The following THSD4 variants were observed in gnomAD, a reference collection of about 807,000 sequenced individuals.
THSD4 encodes thrombospondin type 1 domain containing 4, also known as thrombospondin type-1 domain-containing protein 4.
In THSD4, 69 loss-of-function variants were observed where a neutral mutation model predicts 119.0. That is an observed-to-expected ratio of 0.58 (90% CI 0.48 to 0.71). THSD4 has a LOEUF of 0.71. Ranked by LOEUF, THSD4 falls within the 30% of genes least tolerant of loss-of-function variation. The pLI is 0.00. For synonymous variants in THSD4, 524 were observed against 540.4 expected, an observed-to-expected ratio of 0.97 and a Z score of 0.42; for missense variants, 1,393 against 1,391.1, an observed-to-expected ratio of 1.00 and a Z score of -0.02.
At chr15:71,610,473 C>T (rs942439994) in intron 7 of THSD4, among the ~76,000 whole-genome samples, 2 of 152,102 alleles carry the variant, frequency 1.3e-5, no homozygotes, top group African/African-American at 2.4e-5. Context: ...CAACAGAACT[C>T]CTGTGGCAAC....
At chr15:71,693,808 C>G (rs7171656) in intron 8 of THSD4, among the ~76,000 whole-genome samples, 26,421 of 152,024 alleles carry the variant, frequency 0.17, 2,494 homozygotes, top group African/African-American at 0.25. Flanking sequence ...CCTACTCTCT[C>G]GCCTGCCACC....
rs71154771 is a variant in THSD4 at position 71,442,656 on chromosome 15, G to GTATGTATGTA, written c.1152+30834_1152+30835insATGTATGTAT. 9.5e-4 allele frequency among the ~76,000 whole-genome samples: 29 copies of GTATGTATGTA among 30,618 alleles called. 1 individual carries two copies. The highest frequency in any genetic ancestry group is 4.1e-3 in the South Asian group (2 of 488). The allele number at this position is 30,618 out of a possible 152,430, so 20.1% of individuals were successfully genotyped here. On this transcript the variant is annotated intron_variant, in intron 7 of 17. Transcript: ENST00000261862. The stretch of plus-strand genomic sequence containing the variant: ...TATGTGTGTGTATATGTGTGTGTGT[G>GTATGTATGTA]TGTGTATATATATATATATATATAT...
chr15:71,714,385 C>T lies in THSD4; in HGVS notation c.1358-14164C>T, dbSNP rs4777442. ...TTGTTGAATGGCGGAAAATGCCTGG[C>T]AGGGTGGTGCAGGCATGGGGTGGAC... On this transcript the variant is annotated intron_variant, in intron 8 of 17. Transcript: ENST00000261862. Among the ~76,000 whole-genome samples the T allele has an allele frequency of 7.7e-3, 1,173 of 152,188 alleles. 25 individuals carry two copies. The highest frequency in any genetic ancestry group is 0.04 in the Admixed American group (614 of 15,284).
intron 8 of THSD4, among the ~76,000 whole-genome samples, chr15:71,722,271 T>C (rs1002451726): frequency 6.6e-5 from 10 of 152,220 alleles, no homozygotes; most frequent in Admixed American, 3.9e-4. Flanking sequence ...CATGGACCTA[T>C]GGAATCAGGA....
At chr15:71,663,646 TA>T (rs2051356791) in intron 8 of THSD4, among the ~76,000 whole-genome samples, 2 of 152,204 alleles carry the variant, frequency 1.3e-5, no homozygotes, top group African/African-American at 4.8e-5. Flanking sequence ...ATTTTAAAAG[TA>T]AATATACATG....
At chr15:71,641,755 GA>G (rs1393828808) in intron 7 of THSD4, among the ~76,000 whole-genome samples, 5 of 152,104 alleles carry the variant, frequency 3.3e-5, no homozygotes, top group Admixed American at 3.3e-4. Flanking sequence ...TCATTAAAGG[GA>G]TATTTTTAAG....
chr15:71,447,748 CT>C (rs767715080), intron 7 of THSD4, among the ~76,000 whole-genome samples: 9 of 152,224 alleles, frequency 5.9e-5, no homozygotes, highest in Non-Finnish European at 1.0e-4. Flanking sequence ...AAAAGAGATA[CT>C]GTTTTTCTCA....
chr15:71,156,190 TGAGAA>T (rs1484598026), intron 3 of THSD4, among the ~76,000 whole-genome samples: 8 of 152,242 alleles, frequency 5.3e-5, no homozygotes, highest in African/African-American at 1.9e-4. Flanking sequence ...TTCAGACTCC[TGAGAA>T]GAGATCAGTT....
chr15:71,690,508 A>T (rs1441021955), intron 8 of THSD4, among the ~76,000 whole-genome samples: 1 of 152,204 alleles, frequency 6.6e-6, no homozygotes, highest in Non-Finnish European at 1.5e-5. Context: ...ACTATGGTAG[A>T]CAGAATAATG....
intron 8 of THSD4, among the ~76,000 whole-genome samples, chr15:71,709,283 C>T (rs2052459805): frequency 6.6e-6 from 1 of 152,102 alleles, no homozygotes; most frequent in Non-Finnish European, 1.5e-5. Context: ...TTCTGGTTGT[C>T]GTTAGGCCTT....
intron 13 of THSD4, among the ~76,000 whole-genome samples, chr15:71,747,508 T>C (rs1219539861): frequency 6.6e-6 from 1 of 152,166 alleles, no homozygotes; most frequent in Non-Finnish European, 1.5e-5. Flanking sequence ...ACGAACAACG[T>C]TGGACATGTT....
chr15:71,259,560 G>A (rs1024141734), intron 6 of THSD4, among the ~76,000 whole-genome samples: 1 of 152,152 alleles, frequency 6.6e-6, no homozygotes, highest in Non-Finnish European at 1.5e-5. Context: ...GCCTCAACTG[G>A]CTCACAGATG....
chr15:71,269,040 AG>A (rs1233364449), intron 6 of THSD4, among the ~76,000 whole-genome samples: 1 of 152,206 alleles, frequency 6.6e-6, no homozygotes, highest in Non-Finnish European at 1.5e-5. Context: ...AGGTACAAAG[AG>A]GAGCTGGTAC....
intron 6 of THSD4, among the ~76,000 whole-genome samples, chr15:71,271,219 C>T (rs192112912): frequency 1.7e-4 from 26 of 152,156 alleles, no homozygotes; most frequent in Admixed American, 1.4e-3. Flanking sequence ...TGGTAACAAC[C>T]CAAATATCCA....
At chr15:71,707,137 G>C (rs2052407592) in intron 8 of THSD4, among the ~76,000 whole-genome samples, 2 of 152,074 alleles carry the variant, frequency 1.3e-5, no homozygotes, top group African/African-American at 4.8e-5. Flanking sequence ...CCAGCAATCA[G>C]GTCAGTCTCA....
intron 6 of THSD4, chr15:71,342,441 G>A (rs2045593724): frequency 6.5e-6 from 1 of 152,932 alleles, no homozygotes; most frequent in Non-Finnish European, 1.5e-5. Flanking sequence ...AAACAACAGG[G>A]GTGCAGTCTC....
intron 6 of THSD4, among the ~76,000 whole-genome samples, chr15:71,279,210 G>C (rs1157525756): frequency 1.3e-5 from 2 of 152,188 alleles, no homozygotes; most frequent in Non-Finnish European, 2.9e-5. Context: ...AAATTAGAAA[G>C]GGGAAGCATA....
intron 7 of THSD4, among the ~76,000 whole-genome samples, chr15:71,507,418 T>TGCACTATTTCTAGG (rs1555421627): frequency 4.6e-5 from 7 of 151,936 alleles, no homozygotes; most frequent in South Asian, 4.1e-4. Context: ...TCTCATAAAC[T>TGCACTATTTCTAGG]GCACTATTTT....
intron 7 of THSD4, among the ~76,000 whole-genome samples, chr15:71,473,348 G>A (rs920640363): frequency 1.3e-5 from 2 of 152,142 alleles, no homozygotes; most frequent in East Asian, 1.9e-4. Flanking sequence ...GTGAGCCACC[G>A]TGCCTGGCCC....
Sources: allele counts gnomAD v4.1 joint callset (sites outside exome capture counted in the v4.1 genomes callset), GRCh38; gene constraint gnomAD v4.1.1; transcripts MANE v1.5; gene names NCBI Gene and HGNC (gene_info 2026-07-23, HGNC 2026-07-21).